GALNT13: variants seen among roughly 807,000 people sequenced by gnomAD.
The protein encoded by GALNT13 is UDP-GalNAc:polypeptide N-acetylgalactosaminyltransferase 13.
Under a neutral mutation model 64.2 loss-of-function variants are expected in GALNT13, and 28 were observed. That is an observed-to-expected ratio of 0.44 (90% CI 0.32 to 0.60). The LOEUF is 0.60. Among genes scored for constraint, GALNT13 ranks in the 20% least tolerant of loss-of-function variants. The probability of loss-of-function intolerance (pLI) is 0.05; values close to 1 mark genes in which losing one functional copy is unlikely to be tolerated. For synonymous variants in GALNT13, 214 were observed against 224.6 expected (o/e 0.95, Z 0.42); for missense variants, 577 against 669.8 (o/e 0.86, Z 1.53).
the GALNT13 span, among the ~76,000 whole-genome samples, chr2:153,144,721 G>A: frequency 6.6e-6 from 1 of 151,872 alleles, no homozygotes; most frequent in African/African-American, 2.4e-5. Context: ...ACTAGAAGAG[G>A]AAAATGTTCA....
the GALNT13 span, among the ~76,000 whole-genome samples, chr2:153,401,398 T>C: frequency 1.3e-5 from 2 of 151,738 alleles, no homozygotes; most frequent in East Asian, 1.9e-4. Context: ...AAAATGTATA[T>C]TCTGTTGATT....
At chr2:153,090,179 A>G in the GALNT13 span, among the ~76,000 whole-genome samples, 701 of 152,086 alleles carry the variant, frequency 4.6e-3, 1 homozygote, top group African/African-American at 0.016. Context: ...ATCCCTTAGG[A>G]TGGGGCTTCT....
At chr2:153,944,345 A>AAAATCTAT (rs1691557616) in intron 2 of GALNT13, 49 bp from the exon 3 acceptor site, 1 of 610,604 alleles carries the variant, frequency 1.6e-6, no homozygotes. Context: ...TCTTTATCCA[A>AAAATCTAT]AAATCTATGT....
At chr2:153,556,965 G>C in the GALNT13 span, among the ~76,000 whole-genome samples, 10,068 of 152,120 alleles carry the variant, frequency 0.066, 673 homozygotes, top group East Asian at 0.36. Context: ...CCTAAATTCA[G>C]TGTATCTTAG....
chr2:153,568,614 CA>C, the GALNT13 span, among the ~76,000 whole-genome samples: 1 of 152,158 alleles, frequency 6.6e-6, no homozygotes, highest in Non-Finnish European at 1.5e-5. Flanking sequence ...TTATAGATGA[CA>C]TTTTTTCTAC....
chr2:153,247,938 A>C, the GALNT13 span, among the ~76,000 whole-genome samples: 3 of 152,226 alleles, frequency 2.0e-5, no homozygotes, highest in African/African-American at 7.2e-5. Flanking sequence ...AAACAGCCCT[A>C]TGTAACCAAA....
At chr2:153,489,738 G>T in the GALNT13 span, among the ~76,000 whole-genome samples, 3 of 152,102 alleles carry the variant, frequency 2.0e-5, no homozygotes, top group Admixed American at 2.0e-4. Context: ...AGGTGTATAC[G>T]AATGGTTCCT....
At chr2:154,215,643 A>C (rs1487260287) in intron 4 of GALNT13, among the ~76,000 whole-genome samples, 1 of 152,170 alleles carries the variant, frequency 6.6e-6, no homozygotes, top group African/African-American at 2.4e-5. Context: ...AGCTCTTGGT[A>C]CATTCCTTTA....
At chr2:153,222,648 A>G in the GALNT13 span, among the ~76,000 whole-genome samples, 1 of 152,158 alleles carries the variant, frequency 6.6e-6, no homozygotes, top group African/African-American at 2.4e-5. Context: ...AGCTGCCCTC[A>G]GGTCACTGGC....
At chr2:153,490,434 G>A in the GALNT13 span, among the ~76,000 whole-genome samples, 6 of 152,064 alleles carry the variant, frequency 3.9e-5, no homozygotes, top group East Asian at 5.8e-4. Context: ...AGGCTAGAGT[G>A]CAGTGGCACA....
the GALNT13 span, among the ~76,000 whole-genome samples, chr2:153,700,699 T>C: frequency 1.3e-5 from 2 of 151,304 alleles, no homozygotes; most frequent in Non-Finnish European, 3.0e-5. Flanking sequence ...ATACCAAAAA[T>C]AGACAAGCAG....
At chr2:153,727,144 C>CT in the GALNT13 span, among the ~76,000 whole-genome samples, 1 of 151,786 alleles carries the variant, frequency 6.6e-6, no homozygotes. Flanking sequence ...TCAAGCTTAC[C>CT]TTTTTTGGAA....
At chr2:153,144,591 G>C in the GALNT13 span, among the ~76,000 whole-genome samples, 1 of 151,870 alleles carries the variant, frequency 6.6e-6, no homozygotes, top group South Asian at 2.1e-4. Context: ...GAGGAAGAAA[G>C]AATAATTGGT....
At chr2:154,446,545 T>C (rs1383554299) in intron 12 of GALNT13, 16 of 1,517,552 alleles carry the variant, frequency 1.1e-5, no homozygotes, top group African/African-American at 1.4e-5. Context: ...TTGTCATTAT[T>C]CGTTATTTTC....
chr2:153,334,233 T>C, the GALNT13 span, among the ~76,000 whole-genome samples: 23 of 152,190 alleles, frequency 1.5e-4, no homozygotes, highest in Admixed American at 1.5e-3. Flanking sequence ...AAAAATACAA[T>C]GGGCAATATT....
At chr2:153,562,948 T>A in the GALNT13 span, among the ~76,000 whole-genome samples, 1 of 152,178 alleles carries the variant, frequency 6.6e-6, no homozygotes, top group African/African-American at 2.4e-5. Context: ...CCTTTGCAAA[T>A]ATGTAGGTTC....
intron 4 of GALNT13, among the ~76,000 whole-genome samples, chr2:154,238,397 T>C (rs1689307515): frequency 6.6e-6 from 1 of 152,038 alleles, no homozygotes; most frequent in Non-Finnish European, 1.5e-5. Flanking sequence ...TTCTGTAAGC[T>C]CTATTTAAGT....
intron 3 of GALNT13, among the ~76,000 whole-genome samples, chr2:154,080,934 T>C (rs1297276407): frequency 6.6e-6 from 1 of 151,586 alleles, no homozygotes; most frequent in Non-Finnish European, 1.5e-5. Flanking sequence ...TGTTTAGTTT[T>C]AAAGTTTAGT....
chr2:153,623,898 A>G, the GALNT13 span, among the ~76,000 whole-genome samples: 1 of 151,954 alleles, frequency 6.6e-6, no homozygotes, highest in Non-Finnish European at 1.5e-5. Flanking sequence ...GGGATGGTAC[A>G]CTCCATGGAG....
Sources: gnomAD v4.1 joint callset for allele counts (sites outside exome capture counted in the v4.1 genomes callset) on GRCh38, gnomAD v4.1.1 for gene constraint, MANE v1.5 for transcripts, NCBI Gene and HGNC (gene_info 2026-07-23, HGNC 2026-07-21) for gene names.